The following ABCB4 variants were observed in gnomAD, a reference collection of about 807,000 sequenced individuals.
ABCB4 encodes the protein phosphatidylcholine translocator ABCB4.
A neutral mutation model predicts 145.7 loss-of-function variants in ABCB4; 76 were observed. The observed-to-expected ratio is 0.52, with a 90% CI of 0.43 to 0.63. The LOEUF (loss-of-function observed/expected upper bound fraction) is 0.63. Ranked by LOEUF, ABCB4 falls within the 30% of genes least tolerant of loss-of-function variation. The probability of loss-of-function intolerance (pLI) is 0.00; values close to 1 mark genes in which losing one functional copy is unlikely to be tolerated. For synonymous variants in ABCB4, 517 were observed against 566.8 expected (o/e 0.91, Z 1.25); for missense variants, 1,234 against 1,553.1 (o/e 0.79, Z 3.45).
chr7:87,369,513 T>C, the ABCB4 span: 2 of 1,495,540 alleles, frequency 1.3e-6, no homozygotes, highest in Admixed American at 3.4e-5. Context: ...TGAGTTTCAT[T>C]AGGTCTTATG....
At chr7:87,444,590 A>G (rs1811215740) in intron 10 of ABCB4, among the ~76,000 whole-genome samples, 1 of 152,216 alleles carries the variant, frequency 6.6e-6, no homozygotes, top group Admixed American at 6.5e-5. Flanking sequence ...AAAACTAGGA[A>G]GAGAAACGTC....
chr7:87,396,285 C>T, the ABCB4 span, among the ~76,000 whole-genome samples: 12 of 152,014 alleles, frequency 7.9e-5, no homozygotes, highest in East Asian at 3.9e-4. Context: ...TGAAAAATCA[C>T]GCACTAATAG....
At chr7:87,396,248 G>T in the ABCB4 span, among the ~76,000 whole-genome samples, 1 of 152,108 alleles carries the variant, frequency 6.6e-6, no homozygotes, top group Non-Finnish European at 1.5e-5. Context: ...GAGCAATATA[G>T]TAAGACCTCA....
At position 87,436,751 on chromosome 7, in the gene ABCB4, C is replaced by G. The variant is rs116874664; in HGVS notation, c.1731+2916G>C. ...TTCCCTGGAGTAGTGGGGTAATTGG[C>G]TGCATGTCAGAATTGCTATGGCCAA... On this transcript the variant is annotated intron_variant, in intron 14 of 27. Transcript: ENST00000649586. Among the ~76,000 whole-genome samples the G allele has an allele frequency of 7.2e-5, 11 of 152,268 alleles. No individual in the cohort carries two copies. In the East Asian group the frequency reaches 2.1e-3, roughly 29 times the overall value.
At position 87,434,269 on chromosome 7, in the gene ABCB4, T is replaced by C. The variant is rs1264732404; in HGVS notation, c.1732-2704A>G. ...CATTTTGTTTCTTTTCCTGTTCTTCTATGATAACACCATGATCAGGAGTGT... is the reference window on the plus strand; with the variant it reads ...CATTTTGTTTCTTTTCCTGTTCTTCCATGATAACACCATGATCAGGAGTGT... On this transcript the variant is annotated intron_variant, in intron 14 of 27. Coordinates refer to ENST00000649586, the MANE Select transcript of ABCB4 (RefSeq NM_000443.4). Among the ~76,000 whole-genome samples the C allele has an allele frequency of 2.6e-5, 4 of 151,974 alleles. No homozygotes were observed. The East Asian group carries it at 7.7e-4, about 29-fold the overall frequency.
At chr7:87,421,280 T>G (rs1481253025) in intron 18 of ABCB4, among the ~76,000 whole-genome samples, 1 of 152,182 alleles carries the variant, frequency 6.6e-6, no homozygotes, top group Non-Finnish European at 1.5e-5. Flanking sequence ...GTGCACCCAG[T>G]GAATCGGCCC....
intron 3 of ABCB4, among the ~76,000 whole-genome samples, chr7:87,463,425 A>G (rs1812601529): frequency 6.6e-6 from 1 of 152,232 alleles, no homozygotes; most frequent in South Asian, 2.1e-4. Flanking sequence ...AATAAACATT[A>G]CAGTGTGTCT....
chr7:87,390,116 G>T, the ABCB4 span, among the ~76,000 whole-genome samples: 1 of 152,072 alleles, frequency 6.6e-6, no homozygotes, highest in Non-Finnish European at 1.5e-5. Flanking sequence ...TTAACATGTT[G>T]CTCAGTCTCC....
chr7:87,452,048 C>A (rs539689893), intron 6 of ABCB4, among the ~76,000 whole-genome samples: 1 of 152,224 alleles, frequency 6.6e-6, no homozygotes, highest in East Asian at 1.9e-4. Context: ...ATGAGAGAAG[C>A]ATTAACATTT....
chr7:87,466,921 G>A (rs1472467964), intron 3 of ABCB4, among the ~76,000 whole-genome samples: 1 of 152,186 alleles, frequency 6.6e-6, no homozygotes, highest in Non-Finnish European at 1.5e-5. Flanking sequence ...GAAAGGAACA[G>A]CCAGTACCAG....
chr7:87,453,945 A>T (rs905112834), intron 5 of ABCB4, among the ~76,000 whole-genome samples: 5 of 54,310 alleles, frequency 9.2e-5, no homozygotes, highest in African/African-American at 1.3e-4. Flanking sequence ...GAAATATTTT[A>T]AAAAAAGATA....
the ABCB4 span, chr7:87,393,041 A>T: frequency 6.2e-7 from 1 of 1,613,264 alleles, no homozygotes; most frequent in Non-Finnish European, 8.5e-7. Flanking sequence ...ATGGTTATGG[A>T]TTTTTCTACC....
intron 25 of ABCB4, among the ~76,000 whole-genome samples, chr7:87,407,362 T>G (rs1808275144): frequency 6.6e-6 from 1 of 152,200 alleles, no homozygotes; most frequent in Non-Finnish European, 1.5e-5. Context: ...AACAACTAAA[T>G]TAGGCTTAAC....
At chr7:87,429,839 T>C (rs965863302) in intron 15 of ABCB4, among the ~76,000 whole-genome samples, 1 of 151,990 alleles carries the variant, frequency 6.6e-6, no homozygotes, top group Non-Finnish European at 1.5e-5. Context: ...ATTTGGTATT[T>C]TCATTTGGGG....
chr7:87,475,418 G>A lies in ABCB4; in HGVS notation c.48C>T (p.Ser16=). ...TGCCCAGTTCAAAGTCGCCCTCCGC[G>A]CTCGTGGGGCGCCAGGCTGTTCCGT... The part of the protein sequence containing the change: ...AKNGTAWRPT[S]AEGDFELGIS... The change falls in exon 2 of 28, where the codon AGC becomes AGT. Residue 16 remains serine (S), a synonymous_variant. Coordinates refer to ENST00000649586, the MANE Select transcript of ABCB4 (RefSeq NM_000443.4). 6.2e-7 allele frequency: 1 copy of A among 1,614,218 alleles called. No individual in the cohort carries two copies. Among genetic ancestry groups the A allele is most frequent in the Non-Finnish European group, 8.5e-7 (1 of 1,180,044 alleles).
rs183225516 is a variant in ABCB4, at chr7:87,467,326, G to A, written c.136-4418C>T. Among the ~76,000 whole-genome samples the A allele has an allele frequency of 1.4e-4, 21 of 152,262 alleles. No individual in the cohort carries two copies. The East Asian group carries it at 3.9e-3, about 28-fold the overall frequency. Reference sequence around the variant, plus strand: ...GAAGGCCATTACATAATGGTAAACGGATCAATTCAACAAGAAGAACTAACT... The same window carrying A: ...GAAGGCCATTACATAATGGTAAACGAATCAATTCAACAAGAAGAACTAACT... On this transcript the variant is annotated intron_variant, in intron 3 of 27. Coordinates refer to ENST00000649586, the MANE Select transcript of ABCB4 (RefSeq NM_000443.4).
chr7:87,369,530 C>G, the ABCB4 span: 1 of 1,225,456 alleles, frequency 8.2e-7, no homozygotes, highest in South Asian at 1.5e-5. Context: ...TATGGTGTTG[C>G]TTGAATTAAA....
the ABCB4 span, among the ~76,000 whole-genome samples, chr7:87,370,101 A>G: frequency 6.6e-6 from 1 of 152,102 alleles, no homozygotes. Flanking sequence ...TCCTTTCACT[A>G]TAGATATTTC....
intron 18 of ABCB4, among the ~76,000 whole-genome samples, chr7:87,421,320 C>T (rs985525250): frequency 6.6e-6 from 1 of 152,102 alleles, no homozygotes; most frequent in Non-Finnish European, 1.5e-5. Context: ...ACCAGACTGC[C>T]CTCCCCCTCC....
Sources: gnomAD v4.1 joint callset for allele counts (sites outside exome capture counted in the v4.1 genomes callset) on GRCh38, gnomAD v4.1.1 for gene constraint, MANE v1.5 for transcripts, NCBI Gene and HGNC (gene_info 2026-07-23, HGNC 2026-07-21) for gene names.